The following SCN8A variants were observed in gnomAD, a reference collection of about 807,000 sequenced individuals.
SCN8A encodes the protein sodium channel protein type 8 subunit alpha.
SCN8A carries 30 observed loss-of-function variants against 184.1 expected under a neutral mutation model. The ratio of observed to expected loss-of-function variants is 0.16; its 90% CI spans 0.12 to 0.22. The LOEUF is 0.22. Ranked by LOEUF, SCN8A falls within the 10% of genes least tolerant of loss-of-function variation. The pLI, the probability that SCN8A is intolerant of heterozygous loss-of-function variation, is 1.00. For missense variants in SCN8A, 1,057 were observed against 2,498.9 expected (o/e 0.42, Z 12.30); for synonymous variants, 852 against 907.0 (o/e 0.94, Z 1.09).
At chr12:51,606,463 C>T (rs1592323919) in intron 1 of SCN8A, among the ~76,000 whole-genome samples, 1 of 152,244 alleles carries the variant, frequency 6.6e-6, no homozygotes, top group African/African-American at 2.4e-5. Flanking sequence ...ATTTTTATAC[C>T]AGTACCACAC....
At chr12:51,745,017 C>T (rs1167066087) in intron 12 of SCN8A, among the ~76,000 whole-genome samples, 1 of 152,084 alleles carries the variant, frequency 6.6e-6, no homozygotes, top group African/African-American at 2.4e-5. Flanking sequence ...CAGTGAACAA[C>T]ATGGTTACTA....
At chr12:51,744,107 G>A (rs1942470544) in intron 12 of SCN8A, among the ~76,000 whole-genome samples, 3 of 152,166 alleles carry the variant, frequency 2.0e-5, no homozygotes, top group Non-Finnish European at 4.4e-5. Flanking sequence ...TTCCAGACCA[G>A]CCTGGATAAC....
At chr12:51,732,248 A>G (rs534235693) in intron 12 of SCN8A, among the ~76,000 whole-genome samples, 2 of 152,170 alleles carry the variant, frequency 1.3e-5, no homozygotes, top group Non-Finnish European at 2.9e-5. Context: ...ATTTTTGTAC[A>G]TGGTGAAAGA....
intron 1 of SCN8A, among the ~76,000 whole-genome samples, chr12:51,631,872 C>T (rs1592341116): frequency 6.6e-6 from 1 of 152,268 alleles, no homozygotes; most frequent in Admixed American, 6.5e-5. Flanking sequence ...TCAAATGTTC[C>T]TTCCTGAGGT....
chr12:51,721,511 C>G (rs756704389), intron 11 of SCN8A, 35 bp from the exon 12 acceptor site: 1 of 1,553,582 alleles, frequency 6.4e-7, no homozygotes, highest in Non-Finnish European at 8.7e-7. Context: ...GTCTCATTTC[C>G]CCGTCCCTCT....
At chr12:51,607,491 C>T (rs908618054) in intron 1 of SCN8A, among the ~76,000 whole-genome samples, 1 of 152,114 alleles carries the variant, frequency 6.6e-6, no homozygotes, top group South Asian at 2.1e-4. Flanking sequence ...GAGTAGGCAT[C>T]CTTGTCTTCT....
At chr12:51,679,792 C>G (rs1288310290) in intron 2 of SCN8A, among the ~76,000 whole-genome samples, 1 of 135,176 alleles carries the variant, frequency 7.4e-6, no homozygotes, top group Non-Finnish European at 1.5e-5. Flanking sequence ...GTGGTGCAAT[C>G]TTGGCTCACT....
chr12:51,635,215 T>C (rs981652770), intron 1 of SCN8A, among the ~76,000 whole-genome samples: 1 of 152,256 alleles, frequency 6.6e-6, no homozygotes, highest in Non-Finnish European at 1.5e-5. Context: ...TCTTCTCAGC[T>C]TAGGTATCAC....
chr12:51,695,351 C>T (rs1033500022), intron 6 of SCN8A, among the ~76,000 whole-genome samples: 3 of 152,188 alleles, frequency 2.0e-5, no homozygotes, highest in African/African-American at 7.2e-5. Flanking sequence ...TTTTTAGCTT[C>T]CTTGACTCAT....
intron 2 of SCN8A, among the ~76,000 whole-genome samples, chr12:51,681,192 A>G (rs1013623057): frequency 8.5e-5 from 13 of 152,094 alleles, no homozygotes; most frequent in Non-Finnish European, 1.8e-4. Context: ...CTCATTCACC[A>G]GAGAATTTGT....
intron 14 of SCN8A, among the ~76,000 whole-genome samples, chr12:51,761,808 G>T (rs918758292): frequency 3.3e-5 from 5 of 151,992 alleles, no homozygotes; most frequent in African/African-American, 9.7e-5. Context: ...ATTTTATACA[G>T]GCAGTAAGAG....
intron 1 of SCN8A, among the ~76,000 whole-genome samples, chr12:51,604,307 ATTG>A (rs1939535121): frequency 6.6e-6 from 1 of 152,108 alleles, no homozygotes; most frequent in South Asian, 2.1e-4. Flanking sequence ...TTTGAGCACC[ATTG>A]TTGTTCAAAA....
intron 1 of SCN8A, among the ~76,000 whole-genome samples, chr12:51,657,204 G>A (rs1940838367): frequency 6.6e-6 from 1 of 152,052 alleles, no homozygotes; most frequent in South Asian, 2.1e-4. Context: ...CACATAATAT[G>A]TGGTACAGTG....
intron 1 of SCN8A, among the ~76,000 whole-genome samples, chr12:51,603,019 T>C (rs115842907): frequency 0.05 from 7,639 of 152,318 alleles, 220 homozygotes; most frequent in South Asian, 0.079. Context: ...TTTTTTCTTA[T>C]TTTTAAAATT....
At chr12:51,782,860 C>A (rs949577999) in intron 21 of SCN8A, among the ~76,000 whole-genome samples, 1 of 152,174 alleles carries the variant, frequency 6.6e-6, no homozygotes, top group Non-Finnish European at 1.5e-5. Flanking sequence ...TAAAAACTTT[C>A]ATTTGTCAAC....
intron 11 of SCN8A, among the ~76,000 whole-genome samples, chr12:51,711,983 TCTTTA>T (rs1271389511): frequency 5.3e-5 from 8 of 152,180 alleles, no homozygotes; most frequent in Non-Finnish European, 1.0e-4. Context: ...TTAACAATGA[TCTTTA>T]CTTGTTAACT....
rs773463881 is a variant in SCN8A, at chr12:51,745,971, C to G, written c.2067C>G (p.Ala689=). ...GSLLVSMDQL[A]SYGRKDRINS... ...TTTTAGTTTCCATGGACCAATTAGCCTCCTACGGGCGGAAGGACAGAATCA... is the reference window on the plus strand; with the variant it reads ...TTTTAGTTTCCATGGACCAATTAGCGTCCTACGGGCGGAAGGACAGAATCA... Residue 689 remains alanine, a synonymous_variant, in exon 13 of 27, where the codon GCC becomes GCG. Transcript: ENST00000627620. The G allele has an allele frequency of 4.3e-6, 7 of 1,611,482 alleles. No homozygotes were observed. Among genetic ancestry groups the G allele is most frequent in the African/African-American group, 4.0e-5 (3 of 74,686 alleles).
At chr12:51,601,445 T>A (rs1939461524) in intron 1 of SCN8A, among the ~76,000 whole-genome samples, 1 of 151,868 alleles carries the variant, frequency 6.6e-6, no homozygotes, top group South Asian at 2.1e-4. Flanking sequence ...CAAGGCCTTT[T>A]TTTTTTTTTT....
intron 2 of SCN8A, among the ~76,000 whole-genome samples, chr12:51,664,208 T>TA (rs1450041987): frequency 2.0e-5 from 3 of 151,740 alleles, no homozygotes; most frequent in Admixed American, 6.6e-5. Context: ...ATGTTTATTA[T>TA]TTACTTTTTT....
Sources: allele counts gnomAD v4.1 joint callset (sites outside exome capture counted in the v4.1 genomes callset), GRCh38; gene constraint gnomAD v4.1.1; transcripts MANE v1.5; gene names NCBI Gene and HGNC (gene_info 2026-07-23, HGNC 2026-07-21).